CEP131: variants seen among roughly 807,000 people sequenced by gnomAD.
CEP131 encodes the protein centrosomal protein 131.
CEP131 carries 99 observed loss-of-function variants against 136.8 expected under a neutral mutation model. The observed-to-expected ratio is 0.72, with a 90% CI of 0.62 to 0.86. The LOEUF (loss-of-function observed/expected upper bound fraction) is 0.86, where lower values mean the gene tolerates loss of function less well. CEP131 is among the 40% of genes least tolerant of loss of function. The probability of loss-of-function intolerance (pLI) is 0.00; values close to 1 mark genes in which losing one functional copy is unlikely to be tolerated. For missense variants in CEP131, 1,459 were observed against 1,463.0 expected (o/e 1.00, Z 0.04); for synonymous variants, 646 against 612.7 (o/e 1.05, Z -0.80).
At chr17:81,212,731 C>T (rs1292503576) in intron 2 of CEP131, among the ~76,000 whole-genome samples, 1 of 152,162 alleles carries the variant, frequency 6.6e-6, no homozygotes, top group African/African-American at 2.4e-5. Flanking sequence ...GATGGGGCCG[C>T]ATCCTCACTG....
intron 7 of CEP131, among the ~76,000 whole-genome samples, chr17:81,202,017 T>C (rs895925971): frequency 2.0e-5 from 3 of 151,166 alleles, no homozygotes; most frequent in East Asian, 2.0e-4. Flanking sequence ...AGGAGAATGG[T>C]GTGAACCCGG....
At position 81,192,449 on chromosome 17, in the gene CEP131, GC is replaced by G. The variant is rs777329768; in HGVS notation, c.2547+26del. Reference sequence around the variant, plus strand: ...CCACCCCGTGCAGCCCCCTGGCCAGGCCCAGCACAGCCCTCCGGTGGTAGAC... The same window carrying G: ...CCACCCCGTGCAGCCCCCTGGCCAGGCCAGCACAGCCCTCCGGTGGTAGAC... On this transcript the variant is annotated intron_variant, in intron 20 of 25. Coordinates refer to ENST00000450824, the MANE Select transcript of CEP131 (RefSeq NM_014984.4). 4.3e-6 allele frequency: 7 copies of G among 1,611,640 alleles called. No homozygotes were observed. In the African/African-American group the frequency reaches 9.3e-5, roughly 22 times the overall value.
intron 17 of CEP131, among the ~76,000 whole-genome samples, chr17:81,194,587 C>T (rs754851109): frequency 6.6e-6 from 1 of 152,242 alleles, no homozygotes. Context: ...CCAATCTCCC[C>T]TAGCCCAACC....
intron 12 of CEP131, 34 bp downstream of exon 12, chr17:81,198,081 C>T (rs1420549938): frequency 6.6e-7 from 1 of 1,522,902 alleles, no homozygotes; most frequent in Non-Finnish European, 8.8e-7. Flanking sequence ...CGTGGGTGGA[C>T]AGACTGTGCA....
chr17:81,194,083 C>T lies in CEP131; in HGVS notation c.2164G>A (p.Glu722Lys). 6.4e-7 allele frequency: 1 copy of T among 1,569,120 alleles called. No individual in the cohort carries two copies. Among genetic ancestry groups the T allele is most frequent in the Non-Finnish European group, 8.6e-7 (1 of 1,159,212 alleles). Residue 722 changes from glutamate (E) to lysine (K), a missense_variant, in exon 18 of 26, where the codon GAA becomes AAA. By Grantham distance (56) the Glu-to-Lys change is moderately conservative (BLOSUM62 1). This residue lies in a region of CEP131 where 1,026 missense variants were observed against 964.2 expected (regional missense o/e 1.06). Transcript: ENST00000450824. ...TGCAGGCTCTTGAGCCTCCGCACTT[C>T]CTGCTTGTGCCTTGCAATCAGCTTC... ...IQKLIARHKQEVRRLKSLHEA... is the reference protein window; with the variant it reads ...IQKLIARHKQKVRRLKSLHEA...
intron 7 of CEP131, 30 bp downstream of exon 7, chr17:81,202,210 G>GCCC: frequency 6.9e-7 from 1 of 1,440,954 alleles, no homozygotes; most frequent in Non-Finnish European, 9.4e-7. Flanking sequence ...CTAGGCTCAG[G>GCCC]CCCCCCCCCA....
Position 81,190,931 on chromosome 17 carries a change from C to T in CEP131, c.2919G>A (p.Glu973=). 6.2e-7 allele frequency: 1 copy of T among 1,604,722 alleles called. No homozygotes were observed. Among genetic ancestry groups the T allele is most frequent in the Non-Finnish European group, 8.5e-7 (1 of 1,179,600 alleles). ...CCGCCTGCGCATCCTCCAGCGCCCG[C>T]TCCTTCTGCCGCACAAGGCCCTGCA... ...LRLQGLVRQK[E]RALEDAQAVN... Residue 973 remains glutamate (E), a synonymous_variant, in exon 23 of 26, where the codon GAG becomes GAA. Coordinates refer to ENST00000450824, the MANE Select transcript of CEP131 (RefSeq NM_014984.4).
In CEP131 at chr17:81,194,147, T is replaced by G. The variant is rs1306385118; in HGVS notation, c.2120-20A>C. On this transcript the variant is annotated intron_variant, in intron 17 of 25. Transcript: ENST00000450824. ...CCAGACCTGGGGGCGGGGCACCAGC[T>G]AGGGCCACGTCCAGCTAGGGTGGGC... 1.3e-6 allele frequency: 2 copies of G among 1,496,782 alleles called. No individual in the cohort carries two copies. The highest frequency in any genetic ancestry group is 2.8e-5 in the African/African-American group (2 of 70,270). 92.7% of individuals were successfully genotyped at this position (1,496,782 alleles called of 1,614,324 possible).
At chr17:81,202,098 C>G (rs982695015) in intron 7 of CEP131, 142 bp downstream of exon 7, 13 of 485,326 alleles carry the variant, frequency 2.7e-5, no homozygotes, top group Non-Finnish European at 3.6e-5. Flanking sequence ...GAGACTCTGT[C>G]TCAAAAAAAA....
At chr17:81,193,811 C>A (rs1156574909) in intron 18 of CEP131, 115 bp downstream of exon 18, 2 of 1,188,876 alleles carry the variant, frequency 1.7e-6, no homozygotes, top group Non-Finnish European at 2.3e-6. Flanking sequence ...GTCCTCCCTG[C>A]ATGCTGCACT....
chr17:81,192,685 G>GGGGGGGGGGGGGGGGGGGGGCC, intron 19 of CEP131, 51 bp downstream of exon 19: 1 of 478,418 alleles, frequency 2.1e-6, no homozygotes, highest in East Asian at 5.8e-5. Context: ...GGGGGGAGGG[G>GGGGGGGGGGGGGGGGGGGGGCC]TCAGCCAGCG....
At position 81,198,946 on chromosome 17, in the gene CEP131, G is replaced by A. The variant is rs112371137; in HGVS notation, c.1218C>T (p.Pro406=). 2.0e-3 allele frequency: 3,227 copies of A among 1,582,814 alleles called. 64 individuals carry two copies. In the African/African-American group the frequency reaches 0.035, roughly 17 times the overall value. ...CGGAGGTGGGCAGGCAGCGGTCTCC[G>A]GGGCCTGCAGCAGGGAGGCCACCAC... The part of the protein sequence containing the change: ...NTGGGLPAAG[P]GDRCLPTSDS... The change falls in exon 11 of 26, where the codon CCC becomes CCT. Residue 406 remains proline, a synonymous_variant. Coordinates refer to ENST00000450824, the MANE Select transcript of CEP131 (RefSeq NM_014984.4).
Position 81,194,924 on chromosome 17 carries a change from G to A in CEP131, c.2065C>T (p.Arg689Trp), listed in dbSNP as rs1207180827. 2.9e-5 allele frequency: 46 copies of A among 1,613,374 alleles called. No homozygotes were observed. Among genetic ancestry groups the A allele is most frequent in the Middle Eastern group, 1.7e-4 (1 of 6,054 alleles). The change falls in exon 17 of 26, where the codon CGG (arginine) becomes TGG (tryptophan). Residue 689 changes from arginine (R) to tryptophan (W), a missense_variant. Arg to Trp is a moderately radical substitution (Grantham distance 101). This residue lies in a region of CEP131 where 1,026 missense variants were observed against 964.2 expected (regional missense o/e 1.06). Coordinates refer to ENST00000450824, the MANE Select transcript of CEP131 (RefSeq NM_014984.4). ...GTTTTCTCACTGATCCACTTCTCCC[G>A]GCGGGCTTTCTCGGTGGCGCTCATT... ...ELMSATEKAR[R>W]EKWISEKTKK...
rs1476292200 is a variant in CEP131, at chr17:81,208,080, C to A, written c.273-841G>T. Among the ~76,000 whole-genome samples the A allele has an allele frequency of 7.1e-6, 1 of 141,152 alleles. No individual in the cohort carries two copies. Among genetic ancestry groups the A allele is most frequent in the Non-Finnish European group, 1.6e-5 (1 of 63,904 alleles). The allele number at this position is 141,152 out of a possible 152,430, so 92.6% of individuals were successfully genotyped here. On this transcript the variant is annotated intron_variant, in intron 3 of 25. Coordinates refer to ENST00000450824, the MANE Select transcript of CEP131 (RefSeq NM_014984.4). This position sits in a 1 kb window ranked among gnomAD's most constrained non-coding sequence, Gnocchi z 5.6. ...CACACTCACACCACACACCCACACA[C>A]CACACCACACACACACACTTATGCC...
chr17:81,195,042 C>T (rs2061724915), intron 16 of CEP131, 70 bp from the exon 17 acceptor site: 3 of 1,212,930 alleles, frequency 2.5e-6, no homozygotes, highest in Non-Finnish European at 3.6e-6. Flanking sequence ...CCTGTGGGCA[C>T]AGTCAGGGCC....
chr17:81,198,375 G>C, intron 11 of CEP131, 78 bp from the exon 12 acceptor site: 1 of 1,437,762 alleles, frequency 7.0e-7, no homozygotes, highest in Non-Finnish European at 9.3e-7. Flanking sequence ...GCCAACCGCA[G>C]AGCCCCAAAG....
intron 2 of CEP131, among the ~76,000 whole-genome samples, chr17:81,213,010 T>C (rs780825618): frequency 1.6e-4 from 25 of 152,066 alleles, no homozygotes; most frequent in South Asian, 2.1e-4. Flanking sequence ...CGGGGCTTCT[T>C]GAAGAAATGG....
At chr17:81,192,177 C>T in intron 21 of CEP131, 141 bp downstream of exon 21, 1 of 743,990 alleles carries the variant, frequency 1.3e-6, no homozygotes, top group South Asian at 1.8e-5. Context: ...CAGACAACAA[C>T]CCCAAGCAGC....
Position 81,198,393 on chromosome 17 carries a change from G to A in CEP131, c.1288-96C>T, listed in dbSNP as rs80188213. The A allele has an allele frequency of 7.2e-3, 9,369 of 1,295,376 alleles. 486 individuals carry two copies. In the African/African-American group the frequency reaches 0.12, roughly 17 times the overall value. The allele number at this position is 1,295,376 out of a possible 1,614,324, so 80.2% of individuals were successfully genotyped here. A position where few individuals can be genotyped will look rare whatever the true frequency, so the allele number is the denominator to read the frequency against. On this transcript the variant is annotated intron_variant, in intron 11 of 25. Transcript: ENST00000450824. ...AACCGCAGAGCCCCAAAGGCGCCGCGGGAGCTCCCCAGTCCCGACATTCAG... is the reference window on the plus strand; with the variant it reads ...AACCGCAGAGCCCCAAAGGCGCCGCAGGAGCTCCCCAGTCCCGACATTCAG...
Sources: gnomAD v4.1 joint callset for allele counts (sites outside exome capture counted in the v4.1 genomes callset) on GRCh38, gnomAD v4.1.1 for gene constraint, gnomAD v4.1.1 regional missense constraint, Gnocchi (gnomAD v3.1) non-coding constraint, MANE v1.5 for transcripts, NCBI Gene and HGNC (gene_info 2026-07-23, HGNC 2026-07-21) for gene names.